Variants in RAB10 observed in about 807,000 individuals in gnomAD.
RAB10 encodes ras-related protein Rab-10.
A neutral mutation model predicts 25.7 loss-of-function variants in RAB10; 5 were observed. The observed-to-expected ratio is 0.19, with a 90% CI of 0.10 to 0.41. RAB10 has a LOEUF of 0.41. Among genes scored for constraint, RAB10 ranks in the 10% least tolerant of loss-of-function variants. The pLI, the probability that RAB10 is intolerant of heterozygous loss-of-function variation, is 1.00. For missense variants in RAB10, 103 were observed against 245.8 expected, an observed-to-expected ratio of 0.42 and a Z score of 3.89; for synonymous variants, 89 against 86.4, an observed-to-expected ratio of 1.03 and a Z score of -0.16.
chr2:26,097,761 T>C (rs1370801368), intron 1 of RAB10, among the ~76,000 whole-genome samples: 3 of 152,030 alleles, frequency 2.0e-5, no homozygotes, highest in Non-Finnish European at 4.4e-5. Flanking sequence ...TCATTATTGA[T>C]TTTTCTGTCT....
chr2:26,048,307 C>T (rs1287913664), intron 1 of RAB10, among the ~76,000 whole-genome samples: 3 of 152,092 alleles, frequency 2.0e-5, no homozygotes, highest in African/African-American at 7.2e-5. Context: ...AATGGCTATA[C>T]CATTTTACAC....
At chr2:26,064,156 G>A (rs1053725585) in intron 1 of RAB10, among the ~76,000 whole-genome samples, 1 of 152,118 alleles carries the variant, frequency 6.6e-6, no homozygotes, top group African/African-American at 2.4e-5. Context: ...GATATAGCCT[G>A]CCATATTTCT....
At chr2:26,076,662 G>A (rs948267400) in intron 1 of RAB10, among the ~76,000 whole-genome samples, 149 of 152,248 alleles carry the variant, frequency 9.8e-4, no homozygotes, top group African/African-American at 3.3e-3. Flanking sequence ...TGTCAAAAGA[G>A]GCCAGGCACG....
intron 1 of RAB10, among the ~76,000 whole-genome samples, chr2:26,051,702 CAA>C (rs2149264235): frequency 6.8e-6 from 1 of 147,736 alleles, no homozygotes; most frequent in Admixed American, 6.8e-5. Context: ...TGCAGTGAAC[CAA>C]GATTGCGCCA....
chr2:26,064,843 C>T (rs545574612), intron 1 of RAB10, among the ~76,000 whole-genome samples: 8 of 152,162 alleles, frequency 5.3e-5, no homozygotes, highest in South Asian at 2.1e-4. Flanking sequence ...AGCCAGGAGT[C>T]GGAGACCAGT....
intron 1 of RAB10, among the ~76,000 whole-genome samples, chr2:26,062,330 T>A (rs1666416596): frequency 6.6e-6 from 1 of 152,192 alleles, no homozygotes; most frequent in Admixed American, 6.5e-5. Flanking sequence ...CTATGTATTA[T>A]GATGCTTTTA....
intron 1 of RAB10, among the ~76,000 whole-genome samples, chr2:26,048,250 A>C (rs548029090): frequency 6.6e-6 from 1 of 152,180 alleles, no homozygotes. Context: ...TGGGTCACAT[A>C]GTAATTGCAT....
chr2:26,082,650 A>C (rs1458669905), intron 1 of RAB10, among the ~76,000 whole-genome samples: 1 of 152,172 alleles, frequency 6.6e-6, no homozygotes, highest in Non-Finnish European at 1.5e-5. Flanking sequence ...CCTCAGGCCC[A>C]AATGGCTTCA....
intron 1 of RAB10, among the ~76,000 whole-genome samples, chr2:26,048,021 C>T (rs375434284): frequency 1.9e-4 from 29 of 151,142 alleles, no homozygotes; most frequent in East Asian, 1.7e-3. Context: ...CGTGAGCCAC[C>T]GTGCCGGGCC....
At chr2:26,065,702 G>A (rs185107736) in intron 1 of RAB10, among the ~76,000 whole-genome samples, 1 of 152,222 alleles carries the variant, frequency 6.6e-6, no homozygotes, top group East Asian at 1.9e-4. Flanking sequence ...TCATTGACAT[G>A]TAACAGAAAT....
At chr2:26,046,329 G>GAA (rs112698830) in intron 1 of RAB10, among the ~76,000 whole-genome samples, 1 of 121,154 alleles carries the variant, frequency 8.3e-6, no homozygotes. Context: ...CCGTCTCAAA[G>GAA]AAAAAAAAAA....
chr2:26,086,355 C>T (rs1016861841), intron 1 of RAB10, among the ~76,000 whole-genome samples: 3 of 152,160 alleles, frequency 2.0e-5, no homozygotes, highest in Non-Finnish European at 4.4e-5. Context: ...ATGGAAAGTT[C>T]TCAACATCAT....
At chr2:26,073,944 T>C (rs991467548) in intron 1 of RAB10, among the ~76,000 whole-genome samples, 2 of 152,226 alleles carry the variant, frequency 1.3e-5, no homozygotes, top group African/African-American at 2.4e-5. Flanking sequence ...GAGGATGTTA[T>C]ATATTTTAGA....
At chr2:26,034,887 T>A (rs1665730487) in intron 1 of RAB10, 152 bp downstream of exon 1, 3 of 1,209,002 alleles carry the variant, frequency 2.5e-6, no homozygotes, top group African/African-American at 3.0e-5. Flanking sequence ...GGCATCGAGC[T>A]TACTGGGGCG....
At chr2:26,086,734 A>G (rs1666996110) in intron 1 of RAB10, among the ~76,000 whole-genome samples, 1 of 152,270 alleles carries the variant, frequency 6.6e-6, no homozygotes, top group South Asian at 2.1e-4. Context: ...TTAGATTTCC[A>G]TCAGGAGATG....
intron 3 of RAB10, among the ~76,000 whole-genome samples, chr2:26,116,527 TTTTC>T (rs1051824439): frequency 9.3e-5 from 14 of 151,136 alleles, no homozygotes; most frequent in East Asian, 1.9e-4. Context: ...ACTGTATTTC[TTTTC>T]TTTCTTTCTG....
chr2:26,041,991 A>G (rs187594308), intron 1 of RAB10, among the ~76,000 whole-genome samples: 1 of 152,350 alleles, frequency 6.6e-6, no homozygotes, highest in Non-Finnish European at 1.5e-5. Context: ...AGAAGATTTC[A>G]GTGGTTGATT....
chr2:26,084,854 T>G (rs1387878950), intron 1 of RAB10, among the ~76,000 whole-genome samples: 1 of 152,214 alleles, frequency 6.6e-6, no homozygotes, highest in Non-Finnish European at 1.5e-5. Context: ...ACAAAGTTGC[T>G]TATGAGTAAC....
At chr2:26,127,049 A>G in intron 3 of RAB10, 95 bp from the exon 4 acceptor site, 1 of 905,604 alleles carries the variant, frequency 1.1e-6, no homozygotes, top group South Asian at 1.7e-5. Context: ...AGCTATAGAA[A>G]TGACCCTCTA....
Sources: allele counts gnomAD v4.1 joint callset (sites outside exome capture counted in the v4.1 genomes callset), GRCh38; gene constraint gnomAD v4.1.1; transcripts MANE v1.5; gene names NCBI Gene and HGNC (gene_info 2026-07-23, HGNC 2026-07-21).